Variants in DNAH9 observed in about 807,000 individuals in gnomAD.
DNAH9 encodes DNAH9 variant protein.
Under a neutral mutation model 471.6 loss-of-function variants are expected in DNAH9, and 345 were observed. The ratio of observed to expected loss-of-function variants is 0.73; its 90% CI spans 0.67 to 0.80. The LOEUF (loss-of-function observed/expected upper bound fraction) is 0.80, where lower values mean the gene tolerates loss of function less well. Among genes scored for constraint, DNAH9 ranks in the 30% least tolerant of loss-of-function variants. The pLI, the probability that DNAH9 is intolerant of heterozygous loss-of-function variation, is 0.00. For synonymous variants in DNAH9, 2,093 were observed against 2,123.6 expected, an observed-to-expected ratio of 0.99 and a Z score of 0.40; for missense variants, 5,407 against 5,609.2, an observed-to-expected ratio of 0.96 and a Z score of 1.15.
chr17:11,772,141 T>C (rs571829180), intron 38 of DNAH9, among the ~76,000 whole-genome samples: 231 of 152,194 alleles, frequency 1.5e-3, no homozygotes, highest in African/African-American at 5.2e-3. Context: ...TCATTAGGAG[T>C]ACTATTCAAG....
chr17:11,611,521 C>T, intron 3 of DNAH9, 129 bp from the exon 4 acceptor site: 1 of 935,602 alleles, frequency 1.1e-6, no homozygotes, highest in Non-Finnish European at 1.6e-6. Context: ...GCTCTTTGGG[C>T]TGGAGCACAG....
At position 11,887,988 on chromosome 17, in the gene DNAH9, G is replaced by GTT. The variant is rs548088382; in HGVS notation, c.11112+1034_11112+1035dup. Reference sequence around the variant, plus strand: ...TGTTTATAATATTTTATGGTTTTTTGTTTTTTTTTTTTGAGAGGGAGTCTC... The same window carrying GTT: ...TGTTTATAATATTTTATGGTTTTTTGTTTTTTTTTTTTTTGAGAGGGAGTCTC... On this transcript the variant is annotated intron_variant, in intron 57 of 68. Transcript: ENST00000262442. 3.0e-3 allele frequency among the ~76,000 whole-genome samples: 436 copies of GTT among 143,768 alleles called. 12 individuals are homozygous for GTT. In the East Asian group the frequency reaches 0.057, roughly 19 times the overall value. 94.3% of individuals were successfully genotyped at this position (143,768 alleles called of 152,430 possible).
rs3074845 is a variant in DNAH9, at chr17:11,960,435, TAAAAAAAAA to T, written c.12844-1413_12844-1405del. Reference sequence around the variant, plus strand: ...TGGGTGACAGAGCAAGACTCTGTCTTAAAAAAAAAAAAAAAAAAAAAAAAAAATCCAAAA... The same window carrying T: ...TGGGTGACAGAGCAAGACTCTGTCTTAAAAAAAAAAAAAAAAAATCCAAAA... On this transcript the variant is annotated intron_variant, in intron 67 of 68. Transcript: ENST00000262442. Among the ~76,000 whole-genome samples the T allele has an allele frequency of 9.6e-4, 52 of 54,046 alleles. 1 individual carries two copies. The highest frequency in any genetic ancestry group is 3.3e-3 in the African/African-American group (42 of 12,816). The allele number at this position is 54,046 out of a possible 152,430, so 35.5% of individuals were successfully genotyped here. A position where few individuals can be genotyped will look rare whatever the true frequency, so the allele number is the denominator to read the frequency against.
At chr17:11,778,345 A>AAG (rs1968533190) in intron 38 of DNAH9, among the ~76,000 whole-genome samples, 1 of 134,960 alleles carries the variant, frequency 7.4e-6, no homozygotes, top group African/African-American at 3.5e-5. Context: ...AAAAAAAAAA[A>AAG]AAAAAAAAAA....
intron 15 of DNAH9, among the ~76,000 whole-genome samples, chr17:11,667,090 T>C (rs1211267579): frequency 1.3e-5 from 2 of 152,184 alleles, no homozygotes; most frequent in African/African-American, 4.8e-5. Context: ...ACATCCAATG[T>C]AGAGATTACA....
chr17:11,636,295 C>T (rs1470844397), intron 8 of DNAH9, among the ~76,000 whole-genome samples: 1 of 152,188 alleles, frequency 6.6e-6, no homozygotes, highest in African/African-American at 2.4e-5. Context: ...TGAGCCACCG[C>T]GCCTGGCCTG....
chr17:11,902,680 C>A, intron 59 of DNAH9, 39 bp from the exon 60 acceptor site: 1 of 1,579,020 alleles, frequency 6.3e-7, no homozygotes, highest in Non-Finnish European at 8.6e-7. Flanking sequence ...TGACAGCTTT[C>A]TGGAGAAACT....
intron 26 of DNAH9, among the ~76,000 whole-genome samples, chr17:11,718,019 G>A (rs567703394): frequency 9.5e-5 from 14 of 146,930 alleles, no homozygotes; most frequent in African/African-American, 3.0e-4. Flanking sequence ...AATTACAGGC[G>A]CACTACACCA....
chr17:11,853,856 G>T, intron 49 of DNAH9, 147 bp from the exon 50 acceptor site: 2 of 717,868 alleles, frequency 2.8e-6, no homozygotes, highest in Non-Finnish European at 4.5e-6. Context: ...TCCTTTTGAT[G>T]AGTCATGATA....
chr17:11,785,649 T>G (rs144338652), intron 41 of DNAH9, among the ~76,000 whole-genome samples: 8 of 152,274 alleles, frequency 5.3e-5, no homozygotes, highest in African/African-American at 1.7e-4. Context: ...TCCAGGCTAG[T>G]TCAGGATACC....
intron 32 of DNAH9, among the ~76,000 whole-genome samples, chr17:11,749,074 G>GTTTTTTT (rs375847017): frequency 2.0e-5 from 1 of 49,108 alleles, no homozygotes; most frequent in African/African-American, 6.3e-5. Context: ...GTTTTTTTTT[G>GTTTTTTT]TTTTTTTTTT....
chr17:11,933,837 G>A (rs1974601327), intron 64 of DNAH9, 43 bp from the exon 65 acceptor site: 1 of 1,573,926 alleles, frequency 6.4e-7, no homozygotes, highest in Non-Finnish European at 8.7e-7. Flanking sequence ...CGCCTGTGTG[G>A]AGGTCTTTCT....
Position 11,793,562 on chromosome 17 carries a change from T to C in DNAH9, c.8121T>C (p.Tyr2707=). The C allele has an allele frequency of 6.2e-7, 1 of 1,614,074 alleles. No individual in the cohort carries two copies. Among genetic ancestry groups the C allele is most frequent in the Non-Finnish European group, 8.5e-7 (1 of 1,179,956 alleles). Residue 2707 remains tyrosine, a synonymous_variant, in exon 42 of 69, where the codon TAT becomes TAC. Transcript: ENST00000262442. ...CCACATGGGATCTTATAAGGCTCTA[T>C]CTGCATGAATCAAATCGAGTTTATC... The part of the protein sequence containing the change: ...VKSTWDLIRL[Y]LHESNRVYRD...
In DNAH9 at chr17:11,869,224, G is replaced by A. The variant is rs746387468; in HGVS notation, c.10024G>A (p.Ala3342Thr). ...LKCQQEAEVT[A>T]VTISLANRLV... is the part of the protein sequence containing the mutation. Reference sequence around the variant, plus strand: ...ATGTCAGCAAGAAGCCGAAGTGACCGCAGTCACCATCTCCCTTGCCAACCG... The same window carrying A: ...ATGTCAGCAAGAAGCCGAAGTGACCACAGTCACCATCTCCCTTGCCAACCG... The change falls in exon 51 of 69, where the codon GCA becomes ACA. Residue 3342 changes from alanine to threonine, a missense_variant. By Grantham distance (58) the Ala-to-Thr change is moderately conservative. Transcript: ENST00000262442. 2.0e-5 allele frequency: 33 copies of A among 1,613,516 alleles called. No homozygotes were observed. The highest frequency in any genetic ancestry group is 6.7e-5 in the East Asian group (3 of 44,878).
chr17:11,629,939 C>G (rs2073036324), intron 7 of DNAH9, among the ~76,000 whole-genome samples: 1 of 152,000 alleles, frequency 6.6e-6, no homozygotes, highest in Non-Finnish European at 1.5e-5. Context: ...GAAGCTAGAC[C>G]CAGAAAGACA....
At chr17:11,879,971 T>C in intron 53 of DNAH9, 107 bp from the exon 54 acceptor site, 1 of 1,352,400 alleles carries the variant, frequency 7.4e-7, no homozygotes, top group African/African-American at 1.4e-5. Flanking sequence ...TAGCTGTGCC[T>C]CCAACTATAC....
intron 15 of DNAH9, among the ~76,000 whole-genome samples, chr17:11,667,779 C>G (rs570702159): frequency 1.2e-4 from 18 of 152,286 alleles, no homozygotes; most frequent in South Asian, 4.1e-4. Context: ...AGAAGGATCA[C>G]CTGCAGTCTC....
intron 48 of DNAH9, among the ~76,000 whole-genome samples, chr17:11,823,548 T>C (rs1424088096): frequency 6.6e-6 from 1 of 152,238 alleles, no homozygotes; most frequent in African/African-American, 2.4e-5. Context: ...CAAAGAGCCA[T>C]TGGAACCTCA....
chr17:11,722,402 G>A (rs1435762525), intron 27 of DNAH9, among the ~76,000 whole-genome samples: 1 of 152,216 alleles, frequency 6.6e-6, no homozygotes, highest in Non-Finnish European at 1.5e-5. Flanking sequence ...GAGACTGGAA[G>A]CAGGAATAGG....
Sources: allele counts gnomAD v4.1 joint callset (sites outside exome capture counted in the v4.1 genomes callset), GRCh38; gene constraint gnomAD v4.1.1; transcripts MANE v1.5; gene names NCBI Gene and HGNC (gene_info 2026-07-23, HGNC 2026-07-21).